Variants in TCF20 observed in about 807,000 individuals in gnomAD.
The protein encoded by TCF20 is transcription factor 20.
TCF20 carries 3 observed loss-of-function variants against 148.6 expected under a neutral mutation model. The observed-to-expected ratio is 0.02, with a 90% CI of 0.01 to 0.05. The LOEUF (loss-of-function observed/expected upper bound fraction) is 0.05. TCF20 is among the 10% of genes least tolerant of loss of function. The probability of loss-of-function intolerance (pLI) is 1.00; values close to 1 mark genes in which losing one functional copy is unlikely to be tolerated. For synonymous variants in TCF20, 1,049 were observed against 909.5 expected, an observed-to-expected ratio of 1.15 and a Z score of -2.76; for missense variants, 2,350 against 2,429.3, an observed-to-expected ratio of 0.97 and a Z score of 0.69.
Position 42,179,592 on chromosome 22 carries a change from C to T in TCF20, c.5749+17G>A. 1.3e-6 allele frequency: 2 copies of T among 1,589,780 alleles called. No individual in the cohort carries two copies. The highest frequency in any genetic ancestry group is 1.7e-6 in the Non-Finnish European group (2 of 1,158,004). On this transcript the variant is annotated intron_variant, in intron 3 of 5. Coordinates refer to ENST00000677622, the MANE Select transcript of TCF20 (RefSeq NM_001378418.1). ...TCCTTTGGATGCTCTGGACAAGGGT[C>T]TGTGGTCTCCTCTTACCTGCATCAA... is the stretch of plus-strand genomic sequence containing the variant.
At chr22:42,216,071 A>T (rs1480020990) in intron 1 of TCF20, among the ~76,000 whole-genome samples, 2 of 97,706 alleles carry the variant, frequency 2.0e-5, no homozygotes, top group Non-Finnish European at 4.3e-5. Context: ...GGTAAGAAAA[A>T]CCAAATCCTT....
chr22:42,332,027 G>A (rs533879139), intron 1 of TCF20, among the ~76,000 whole-genome samples: 60 of 152,368 alleles, frequency 3.9e-4, no homozygotes, highest in African/African-American at 1.4e-3. Flanking sequence ...TGACAGGAAG[G>A]AAGAGTGAGT....
chr22:42,184,807 T>TTA (rs1268486841), intron 2 of TCF20, among the ~76,000 whole-genome samples: 1 of 152,194 alleles, frequency 6.6e-6, no homozygotes, highest in Non-Finnish European at 1.5e-5. Flanking sequence ...AGAACTCTAA[T>TTA]AAGAACCTCA....
chr22:42,339,953 C>T (rs561325175), intron 1 of TCF20, among the ~76,000 whole-genome samples: 1 of 151,656 alleles, frequency 6.6e-6, no homozygotes, highest in East Asian at 2.1e-4. Flanking sequence ...AAGGGGGCCT[C>T]AGTCCCTGCA....
chr22:42,176,427 G>C (rs902692566), intron 3 of TCF20, among the ~76,000 whole-genome samples: 1 of 152,192 alleles, frequency 6.6e-6, no homozygotes, highest in Admixed American at 6.5e-5. Context: ...TGTTGGCCCT[G>C]CTCTGTGTAT....
intron 2 of TCF20, among the ~76,000 whole-genome samples, chr22:42,206,340 G>C (rs1176010188): frequency 6.6e-6 from 1 of 152,152 alleles, no homozygotes; most frequent in African/African-American, 2.4e-5. Flanking sequence ...TGGATGATCT[G>C]AGGTCAGGAG....
chr22:42,335,989 C>T (rs1569212606), intron 1 of TCF20, among the ~76,000 whole-genome samples: 2 of 152,232 alleles, frequency 1.3e-5, no homozygotes, highest in Non-Finnish European at 2.9e-5. Context: ...TGGCACCCAC[C>T]CACAGGTCTG....
rs267606263 is a variant in TCF20 at position 42,210,252 on chromosome 22, G to A, written c.5054C>T (p.Ser1685Leu). 4 of 1,614,062 alleles carry A rather than the reference G, an allele frequency of 2.5e-6. No homozygotes were observed. The highest frequency in any genetic ancestry group is 2.5e-6 in the Non-Finnish European group (3 of 1,180,046). Residue 1685 changes from serine (S) to leucine (L), a missense_variant, in exon 2 of 6, where the codon TCG becomes TTG. By Grantham distance (145) the Ser-to-Leu change is moderately radical (BLOSUM62 -2). Transcript: ENST00000677622. This position sits in a 1 kb window ranked among gnomAD's most constrained non-coding sequence, Gnocchi z 4.7. ...SSTESKALPA[S>L]SFMLQGPVVT... The stretch of plus-strand genomic sequence containing the variant: ...AACAGGTCCCTGCAGCATAAAGGAC[G>A]AGGCCGGGAGCGCCTTGCTTTCAGT...
At position 42,309,809 on chromosome 22, in the gene TCF20, T is replaced by C. The variant is rs2030256561; in HGVS notation, c.-37+33670A>G. Among the ~76,000 whole-genome samples the C allele has an allele frequency of 2.0e-5, 3 of 152,208 alleles. No individual in the cohort carries two copies. The South Asian group carries it at 6.2e-4, about 31-fold the overall frequency. On this transcript the variant is annotated intron_variant, in intron 1 of 1. Coordinates refer to the TCF20 transcript ENST00000515426. ...AGCCTTGCTGTCCTCGTCTGCAGAA[T>C]AGGGGTGACACCAGCACCTCACAGT...
chr22:42,330,811 G>T (rs1205449697), intron 1 of TCF20, among the ~76,000 whole-genome samples: 1 of 152,224 alleles, frequency 6.6e-6, no homozygotes, highest in Non-Finnish European at 1.5e-5. Context: ...ACTTGAAGCT[G>T]CAAGGTCACC....
At chr22:42,185,456 A>G (rs1368176778) in intron 2 of TCF20, among the ~76,000 whole-genome samples, 1 of 152,250 alleles carries the variant, frequency 6.6e-6, no homozygotes, top group East Asian at 1.9e-4. Flanking sequence ...TCAATGAGTT[A>G]CAAAACTGAT....
rs3045573 is a variant in TCF20 at position 42,161,972 on chromosome 22, C to CTTTTTTTTTTTT, written c.*45-626_*45-615dup. Among the ~76,000 whole-genome samples, 60 of 75,022 alleles carry CTTTTTTTTTTTT rather than the reference C, an allele frequency of 8.0e-4. 10 individuals are homozygous for CTTTTTTTTTTTT. The highest frequency in any genetic ancestry group is 3.5e-3 in the African/African-American group (55 of 15,658). 49.2% of individuals were successfully genotyped at this position (75,022 alleles called of 152,430 possible). A position where few individuals can be genotyped will look rare whatever the true frequency, so the allele number is the denominator to read the frequency against. On this transcript the variant is annotated intron_variant, in intron 5 of 5. Transcript: ENST00000677622. ...GCCACCATGCTTGGCTAATGACAGT[C>CTTTTTTTTTTTT]TTTTTTTTTTTTTTTTTTTTTTTTT...
intron 1 of TCF20, among the ~76,000 whole-genome samples, chr22:42,323,926 A>ATGG (rs1312568607): frequency 0.13 from 1,205 of 9,454 alleles, 152 homozygotes; most frequent in African/African-American, 0.26. Context: ...GATGGAGGTT[A>ATGG]TGGTGGTGGT....
intron 1 of TCF20, among the ~76,000 whole-genome samples, chr22:42,235,466 A>G (rs577758185): frequency 6.6e-6 from 1 of 152,346 alleles, no homozygotes; most frequent in South Asian, 2.1e-4. Context: ...TATCTTACCT[A>G]GAGTCAAACT....
intron 1 of TCF20, among the ~76,000 whole-genome samples, chr22:42,289,879 C>T (rs1415701425): frequency 6.6e-6 from 1 of 152,232 alleles, no homozygotes; most frequent in Non-Finnish European, 1.5e-5. Flanking sequence ...CCAAACATGC[C>T]AGAGCCCTGC....
chr22:42,253,277 AC>A (rs1260428124), intron 1 of TCF20, among the ~76,000 whole-genome samples: 1 of 152,230 alleles, frequency 6.6e-6, no homozygotes, highest in African/African-American at 2.4e-5. Flanking sequence ...TTGTGACTTC[AC>A]ATTAGTAGAG....
At chr22:42,272,553 T>C (rs535767061), upstream of TCF20, among the ~76,000 whole-genome samples, 10 of 152,226 alleles carry the variant, frequency 6.6e-5, no homozygotes, top group African/African-American at 2.2e-4. Flanking sequence ...GAATAAAGAA[T>C]GCAGACAGAT....
At chr22:42,265,656 T>C (rs1041710304) in intron 1 of TCF20, among the ~76,000 whole-genome samples, 1 of 152,292 alleles carries the variant, frequency 6.6e-6, no homozygotes, top group African/African-American at 2.4e-5. Context: ...AATGAATGAG[T>C]ACTAAGGTGC....
At chr22:42,283,958 A>AG (rs1444076495) in exon 1 of TCF20, among the ~76,000 whole-genome samples, 1 of 152,208 alleles carries the variant, frequency 6.6e-6, no homozygotes, top group South Asian at 2.1e-4. Context: ...GGAAAAGGAA[A>AG]GGGGGGCAGT....
Sources: gnomAD v4.1 joint callset for allele counts (sites outside exome capture counted in the v4.1 genomes callset) on GRCh38, gnomAD v4.1.1 for gene constraint, Gnocchi (gnomAD v3.1) non-coding constraint, MANE v1.5 for transcripts, NCBI Gene and HGNC (gene_info 2026-07-23, HGNC 2026-07-21) for gene names.